The following LUZP2 variants were observed in gnomAD, a reference collection of about 807,000 sequenced individuals.
The protein encoded by LUZP2 is leucine zipper protein 2.
Under a neutral mutation model 51.6 loss-of-function variants are expected in LUZP2, and 52 were observed. The ratio of observed to expected loss-of-function variants is 1.01; its 90% CI spans 0.81 to 1.27. The LOEUF is 1.27. LUZP2 is among the 50% of genes most tolerant of loss of function. The pLI is 0.00. For synonymous variants in LUZP2, 154 were observed against 137.3 expected, an observed-to-expected ratio of 1.12 and a Z score of -0.85; for missense variants, 436 against 395.4, an observed-to-expected ratio of 1.10 and a Z score of -0.87.
At chr11:25,053,197 A>G (rs955511735) in intron 10 of LUZP2, among the ~76,000 whole-genome samples, 1 of 152,128 alleles carries the variant, frequency 6.6e-6, no homozygotes, top group African/African-American at 2.4e-5. Flanking sequence ...ATAAAGATGA[A>G]GTGTAACATG....
chr11:24,670,434 A>T (rs1379479249), intron 1 of LUZP2, among the ~76,000 whole-genome samples: 1 of 152,064 alleles, frequency 6.6e-6, no homozygotes, highest in Non-Finnish European at 1.5e-5. Context: ...TAGTTATATA[A>T]GTATGTAAAC....
intron 9 of LUZP2, among the ~76,000 whole-genome samples, chr11:25,032,334 C>G (rs1857713269): frequency 6.6e-6 from 1 of 152,128 alleles, no homozygotes; most frequent in Non-Finnish European, 1.5e-5. Flanking sequence ...ACTAATAACG[C>G]TGGTATGACA....
At chr11:24,892,460 C>A in intron 5 of LUZP2, 2 of 875,570 alleles carry the variant, frequency 2.3e-6, no homozygotes, top group Non-Finnish European at 2.7e-6. Flanking sequence ...TTATACCATC[C>A]AGAAAAAGTT....
rs528704796 is a variant in LUZP2 at position 24,985,950 on chromosome 11, A to C, written c.765+2657A>C. On this transcript the variant is annotated intron_variant, in intron 9 of 11. Transcript: ENST00000336930. The stretch of plus-strand genomic sequence containing the variant: ...GATGAGGTCTGCAAAGTCACTAGAC[A>C]TGAGAAGTAACATGAGTATGGTTTT... 4.0e-4 allele frequency among the ~76,000 whole-genome samples: 60 copies of C among 151,870 alleles called. No individual in the cohort carries two copies. The South Asian group carries it at 5.8e-3, about 15-fold the overall frequency.
At chr11:24,953,207 G>A (rs1855124427) in intron 7 of LUZP2, among the ~76,000 whole-genome samples, 1 of 151,902 alleles carries the variant, frequency 6.6e-6, no homozygotes, top group African/African-American at 2.4e-5. Context: ...TTTTTGAAAT[G>A]ATTTTTGGAA....
intron 1 of LUZP2, among the ~76,000 whole-genome samples, chr11:24,532,681 AG>A (rs1414724846): frequency 1.3e-5 from 2 of 150,706 alleles, no homozygotes; most frequent in Non-Finnish European, 3.0e-5. Flanking sequence ...AAGGTGGGGT[AG>A]TGCTAGCCTA....
intron 1 of LUZP2, among the ~76,000 whole-genome samples, chr11:24,545,113 G>A (rs1387342548): frequency 6.7e-6 from 1 of 149,422 alleles, no homozygotes; most frequent in Non-Finnish European, 1.5e-5. Flanking sequence ...CATGTCCTTT[G>A]CCCACTCTTT....
At chr11:24,742,057 T>TTATATATATATATATA (rs1554983398) in intron 4 of LUZP2, among the ~76,000 whole-genome samples, 7 of 116,300 alleles carry the variant, frequency 6.0e-5, no homozygotes, top group South Asian at 4.7e-4. Flanking sequence ...ATAAATATAA[T>TTATATATATATATATA]TATATATATA....
At chr11:24,786,165 G>A in intron 5 of LUZP2, 2 of 983,998 alleles carry the variant, frequency 2.0e-6, no homozygotes, top group Non-Finnish European at 2.4e-6. Context: ...TATGTCTCAG[G>A]GAAACCTAAA....
At chr11:24,874,877 C>T (rs1852195153) in intron 5 of LUZP2, among the ~76,000 whole-genome samples, 1 of 152,082 alleles carries the variant, frequency 6.6e-6, no homozygotes, top group South Asian at 2.1e-4. Flanking sequence ...TGAACTGTGG[C>T]AAATATTGAT....
At chr11:24,703,621 G>A (rs574760059) in intron 1 of LUZP2, among the ~76,000 whole-genome samples, 103 of 151,804 alleles carry the variant, frequency 6.8e-4, no homozygotes, top group African/African-American at 2.4e-3. Flanking sequence ...TCAGGAGTTC[G>A]AGACCAGCCT....
intron 5 of LUZP2, among the ~76,000 whole-genome samples, chr11:24,830,020 A>T (rs949395767): frequency 1.3e-5 from 2 of 152,222 alleles, no homozygotes; most frequent in African/African-American, 4.8e-5. Flanking sequence ...TTAGTGAAAT[A>T]GTTAAAAACT....
At chr11:24,784,191 G>T (rs1174807040) in intron 5 of LUZP2, among the ~76,000 whole-genome samples, 2 of 151,854 alleles carry the variant, frequency 1.3e-5, no homozygotes, top group Non-Finnish European at 2.9e-5. Flanking sequence ...CATTTTAAGA[G>T]TTGAATCCCT....
At chr11:24,925,896 G>A (rs1342852052) in intron 7 of LUZP2, among the ~76,000 whole-genome samples, 4 of 151,538 alleles carry the variant, frequency 2.6e-5, no homozygotes, top group Non-Finnish European at 5.9e-5. Flanking sequence ...CACCTCCCTC[G>A]CACTTTTTCT....
At chr11:25,068,698 T>G (rs1006640423) in intron 10 of LUZP2, among the ~76,000 whole-genome samples, 2 of 152,094 alleles carry the variant, frequency 1.3e-5, no homozygotes, top group Admixed American at 6.6e-5. Context: ...AACATAGACA[T>G]GTTACTGCAG....
In LUZP2 at chr11:24,976,790, T is replaced by A. The variant is rs1855894439; in HGVS notation, c.597+125T>A. ...AATGTGTTTCTAGATGCTGTGTATATAAGATAGTTACAGAATTCAGGAAGG... is the reference window on the plus strand; with the variant it reads ...AATGTGTTTCTAGATGCTGTGTATAAAAGATAGTTACAGAATTCAGGAAGG... On this transcript the variant is annotated intron_variant, in intron 8 of 11. Transcript: ENST00000336930. 3 of 525,576 alleles carry A rather than the reference T, an allele frequency of 5.7e-6. 1 individual carries two copies. Among genetic ancestry groups the A allele is most frequent in the Non-Finnish European group, 9.3e-6 (3 of 323,456 alleles). 32.6% of individuals were successfully genotyped at this position (525,576 alleles called of 1,614,324 possible). A position where few individuals can be genotyped will look rare whatever the true frequency, so the allele number is the denominator to read the frequency against.
At chr11:24,570,419 A>G (rs1409473948) in intron 1 of LUZP2, among the ~76,000 whole-genome samples, 2 of 152,108 alleles carry the variant, frequency 1.3e-5, no homozygotes, top group African/African-American at 4.8e-5. Context: ...TTAACCATTT[A>G]TCATAGGTTT....
At chr11:24,561,799 C>G (rs981116223) in intron 1 of LUZP2, among the ~76,000 whole-genome samples, 1 of 110,428 alleles carries the variant, frequency 9.1e-6, no homozygotes, top group Non-Finnish European at 1.9e-5. Context: ...TCTGCACATG[C>G]ACCCCAGAAC....
chr11:24,571,130 G>GATTTCTCC (rs1447159214), intron 1 of LUZP2, among the ~76,000 whole-genome samples: 12 of 152,044 alleles, frequency 7.9e-5, no homozygotes, highest in African/African-American at 2.9e-4. Flanking sequence ...AAGAAGCAGC[G>GATTTCTCC]ATTTCTCCAG....
Sources: gnomAD v4.1 joint callset for allele counts (sites outside exome capture counted in the v4.1 genomes callset) on GRCh38, gnomAD v4.1.1 for gene constraint, MANE v1.5 for transcripts, NCBI Gene and HGNC (gene_info 2026-07-23, HGNC 2026-07-21) for gene names.